PRKCB: variants seen among roughly 807,000 people sequenced by gnomAD.
PRKCB encodes protein kinase C beta type.
Under a neutral mutation model 81.5 loss-of-function variants are expected in PRKCB, and 13 were observed. The ratio of observed to expected loss-of-function variants is 0.16; its 90% CI spans 0.10 to 0.25. The LOEUF (loss-of-function observed/expected upper bound fraction) is 0.25. Ranked by LOEUF, PRKCB falls within the 10% of genes least tolerant of loss-of-function variation. The pLI is 1.00. For synonymous variants in PRKCB, 335 were observed against 321.4 expected (o/e 1.04, Z -0.45); for missense variants, 509 against 875.7 (o/e 0.58, Z 5.29).
intron 2 of PRKCB, among the ~76,000 whole-genome samples, chr16:23,875,507 G>T (rs8045214): frequency 0.04 from 719 of 18,020 alleles, 33 homozygotes; most frequent in African/African-American, 0.066. Flanking sequence ...ATATATATAT[G>T]ATGTATATCA....
chr16:24,114,089 C>A (rs1966709686), intron 8 of PRKCB, among the ~76,000 whole-genome samples: 1 of 150,984 alleles, frequency 6.6e-6, no homozygotes, highest in Non-Finnish European at 1.5e-5. Flanking sequence ...CATGGTGGTG[C>A]ACGCCTGTAA....
At chr16:24,056,567 T>A (rs768445680) in intron 5 of PRKCB, among the ~76,000 whole-genome samples, 24 of 152,188 alleles carry the variant, frequency 1.6e-4, no homozygotes, top group Non-Finnish European at 2.9e-4. Flanking sequence ...TGGGCCATTT[T>A]TGGGTCATGG....
In PRKCB at chr16:24,058,205, G is replaced by A. The variant is rs117430709; in HGVS notation, c.529+22658G>A. Among the ~76,000 whole-genome samples the A allele has an allele frequency of 3.9e-3, 586 of 152,076 alleles. 3 individuals carry two copies. The highest frequency in any genetic ancestry group is 6.5e-3 in the Non-Finnish European group (441 of 67,994). On this transcript the variant is annotated intron_variant, in intron 5 of 16. Transcript: ENST00000643927. ...TAAATGTCACCTTCTCAGAAAGCCC[G>A]CCTCTGAGTCTTATCTGAAGAAACC...
At chr16:23,883,510 G>A (rs72777965) in intron 2 of PRKCB, among the ~76,000 whole-genome samples, 15 of 152,204 alleles carry the variant, frequency 9.9e-5, no homozygotes, top group Non-Finnish European at 1.8e-4. Flanking sequence ...TAGGCGAGAT[G>A]CAAAGGATCA....
chr16:24,001,509 A>G (rs557881354), intron 3 of PRKCB, among the ~76,000 whole-genome samples: 13 of 152,382 alleles, frequency 8.5e-5, no homozygotes, highest in Middle Eastern at 3.4e-3. Context: ...AAATGTATGT[A>G]TACATTAAAG....
At chr16:24,094,576 G>A (rs1470490901) in intron 7 of PRKCB, among the ~76,000 whole-genome samples, 1 of 152,092 alleles carries the variant, frequency 6.6e-6, no homozygotes, top group Non-Finnish European at 1.5e-5. Flanking sequence ...GACCAGTCTG[G>A]GCAACATGGT....
intron 11 of PRKCB, among the ~76,000 whole-genome samples, chr16:24,173,502 G>A (rs61312099): frequency 0.031 from 4,701 of 152,248 alleles, 254 homozygotes; most frequent in African/African-American, 0.11. Flanking sequence ...TGTTCTGATA[G>A]GATTTGCATT....
At chr16:23,984,348 G>A (rs564314251) in intron 2 of PRKCB, among the ~76,000 whole-genome samples, 1 of 152,158 alleles carries the variant, frequency 6.6e-6, no homozygotes, top group Non-Finnish European at 1.5e-5. Context: ...GGAAGATGAG[G>A]TAGTGTACCT....
In PRKCB at chr16:24,219,958, CAG is replaced by C. The variant is rs1279682233; in HGVS notation, c.*5148_*5149del. ...GTTAATGTGTTTACTTTCCATTTGG[CAG>C]AGAGACAAGAGAGACACCTCCAACT... On this transcript the variant is annotated 3_prime_UTR_variant, in exon 17 of 17. Coordinates refer to ENST00000643927, the MANE Select transcript of PRKCB (RefSeq NM_002738.7). 6.2e-7 allele frequency: 1 copy of C among 1,613,842 alleles called. No homozygotes were observed. The highest frequency in any genetic ancestry group is 8.5e-7 in the Non-Finnish European group (1 of 1,179,912).
intron 9 of PRKCB, among the ~76,000 whole-genome samples, chr16:24,150,342 A>G (rs1382831989): frequency 6.6e-6 from 1 of 152,080 alleles, no homozygotes; most frequent in Non-Finnish European, 1.5e-5. Context: ...AACAGAAAAC[A>G]AAACAAAACA....
intron 2 of PRKCB, among the ~76,000 whole-genome samples, chr16:23,882,021 T>TCTTTCTCTCTCTTTCTTTCTTTCTTC: frequency 1.8e-5 from 1 of 55,592 alleles, no homozygotes; most frequent in African/African-American, 5.9e-5. Context: ...TTTCTTTCTT[T>TCTTTCTCTCTCTTTCTTTCTTTCTTC]CTTCCTTCCT....
At chr16:24,117,185 G>A (rs868014145) in intron 8 of PRKCB, among the ~76,000 whole-genome samples, 8 of 152,164 alleles carry the variant, frequency 5.3e-5, no homozygotes, top group Admixed American at 2.6e-4. Flanking sequence ...ATTAGCACCC[G>A]GAATGACTCA....
intron 2 of PRKCB, among the ~76,000 whole-genome samples, chr16:23,932,502 A>T (rs928275071): frequency 2.4e-4 from 36 of 152,336 alleles, no homozygotes; most frequent in African/African-American, 8.4e-4. Flanking sequence ...ATTCCTGCTG[A>T]TCCCTGACTG....
chr16:24,110,372 C>G (rs1246259680), intron 7 of PRKCB, among the ~76,000 whole-genome samples: 1 of 151,454 alleles, frequency 6.6e-6, no homozygotes, highest in Non-Finnish European at 1.5e-5. Flanking sequence ...CCACCATGCC[C>G]ACCTAATTTT....
Position 23,836,092 on chromosome 16 carries a change from C to T in PRKCB, c.-84C>T. On this transcript the variant is annotated 5_prime_UTR_variant, in exon 1 of 17. Transcript: ENST00000643927. ...GCCCCGGGTGCAGCAGCGGCCGCCG[C>T]CTCCCGCGCCTCCCCGGCCCGCAGC... is the stretch of plus-strand genomic sequence containing the variant. 1 of 990,592 alleles carries T rather than the reference C, an allele frequency of 1.0e-6. No homozygotes were observed. Among genetic ancestry groups the T allele is most frequent in the Non-Finnish European group, 1.2e-6 (1 of 820,890 alleles). The allele number at this position is 990,592 out of a possible 1,614,324, so 61.4% of individuals were successfully genotyped here. A position where few individuals can be genotyped will look rare whatever the true frequency, so the allele number is the denominator to read the frequency against.
In PRKCB at chr16:24,216,053, T is replaced by C; in HGVS notation, c.*1237T>C. ...GGAAAACTGCTCTTTTTGAGAAACGTGGACCTAAACTACAAAGTGGGAACT... is the reference window on the plus strand; with the variant it reads ...GGAAAACTGCTCTTTTTGAGAAACGCGGACCTAAACTACAAAGTGGGAACT... On this transcript the variant is annotated 3_prime_UTR_variant, in exon 17 of 17. Coordinates refer to ENST00000643927, the MANE Select transcript of PRKCB (RefSeq NM_002738.7). 2.0e-6 allele frequency: 2 copies of C among 984,294 alleles called. No individual in the cohort carries two copies. Among genetic ancestry groups the C allele is most frequent in the Non-Finnish European group, 2.4e-6 (2 of 829,758 alleles). 61.0% of individuals were successfully genotyped at this position (984,294 alleles called of 1,614,324 possible).
intron 9 of PRKCB, among the ~76,000 whole-genome samples, chr16:24,153,203 C>G (rs1387290202): frequency 6.6e-6 from 1 of 152,212 alleles, no homozygotes; most frequent in African/African-American, 2.4e-5. Flanking sequence ...GTTGCATCCT[C>G]TGGTCCTCCA....
chr16:23,880,661 A>T (rs570961195), intron 2 of PRKCB, among the ~76,000 whole-genome samples: 187 of 152,070 alleles, frequency 1.2e-3, no homozygotes, highest in Non-Finnish European at 2.0e-3. Context: ...GGGATCCCCT[A>T]GGGTTTCCTT....
chr16:23,880,047 A>G (rs572556579), intron 2 of PRKCB, among the ~76,000 whole-genome samples: 6 of 152,336 alleles, frequency 3.9e-5, no homozygotes, highest in African/African-American at 1.2e-4. Context: ...TACACAAGAC[A>G]TGCTCTGAAA....
Sources: gnomAD v4.1 joint callset for allele counts (sites outside exome capture counted in the v4.1 genomes callset) on GRCh38, gnomAD v4.1.1 for gene constraint, MANE v1.5 for transcripts, NCBI Gene and HGNC (gene_info 2026-07-23, HGNC 2026-07-21) for gene names.